The following ADGB variants were observed in gnomAD, a reference collection of about 807,000 sequenced individuals.
ADGB encodes the protein androglobin, also known as calpain-7-like protein.
In ADGB, 172 loss-of-function variants were observed where a neutral mutation model predicts 210.5. The ratio of observed to expected loss-of-function variants is 0.82; its 90% CI spans 0.72 to 0.93. ADGB has a LOEUF of 0.93. Among genes scored for constraint, ADGB ranks in the 40% least tolerant of loss-of-function variants. ADGB has a pLI of 0.00. For synonymous variants in ADGB, 658 were observed against 662.7 expected, an observed-to-expected ratio of 0.99 and a Z score of 0.11; for missense variants, 2,025 against 1,964.8, an observed-to-expected ratio of 1.03 and a Z score of -0.58.
At chr6:146,762,297 C>A (rs376776240) in intron 27 of ADGB, among the ~76,000 whole-genome samples, 4 of 152,204 alleles carry the variant, frequency 2.6e-5, no homozygotes, top group East Asian at 3.9e-4. Context: ...CTGAATTTGA[C>A]AAAATGTTGT....
intron 6 of ADGB, among the ~76,000 whole-genome samples, chr6:146,666,071 G>A (rs1260214726): frequency 1.3e-5 from 2 of 152,048 alleles, no homozygotes; most frequent in Non-Finnish European, 2.9e-5. Context: ...AATGGCATAT[G>A]TGACTAAGAT....
chr6:146,799,058 CAAAAAA>C (rs71552962), intron 33 of ADGB, among the ~76,000 whole-genome samples: 7 of 63,534 alleles, frequency 1.1e-4, no homozygotes, highest in Admixed American at 4.2e-4. Flanking sequence ...TATGGAAATG[CAAAAAA>C]AAAAAAAAAA....
At chr6:146,602,757 T>A (rs1208741333) in intron 1 of ADGB, among the ~76,000 whole-genome samples, 1 of 152,056 alleles carries the variant, frequency 6.6e-6, no homozygotes, top group Non-Finnish European at 1.5e-5. Context: ...AGTCAACATT[T>A]CCCCCTGAGC....
rs1272266959 is a variant in ADGB at position 146,717,577 on chromosome 6, A to G, written c.1970A>G (p.Asn657Ser). The G allele has an allele frequency of 7.1e-7, 1 of 1,412,594 alleles. No individual in the cohort carries two copies. The highest frequency in any genetic ancestry group is 1.3e-5 in the South Asian group (1 of 74,148). The allele number at this position is 1,412,594 out of a possible 1,614,324, so 87.5% of individuals were successfully genotyped here. A position where few individuals can be genotyped will look rare whatever the true frequency, so the allele number is the denominator to read the frequency against. ...IFHKPSSYCL[N>S]FQKSEFKFSE... ...CACAAGCCAAGTTCATATTGCCTTA[A>G]CTTTCAAAAATCAGAATTTAAGGTA... Residue 657 changes from asparagine (N) to serine (S), a missense_variant, in exon 16 of 36, where the codon AAC (asparagine) becomes AGC (serine). Coordinates refer to ENST00000397944, the MANE Select transcript of ADGB (RefSeq NM_024694.4).
chr6:146,599,807 C>G (rs1780526426), intron 1 of ADGB, among the ~76,000 whole-genome samples: 1 of 152,124 alleles, frequency 6.6e-6, no homozygotes, highest in South Asian at 2.1e-4. Context: ...TTATCCACAG[C>G]ATAGGATTGG....
At chr6:146,654,248 C>A in intron 4 of ADGB, 42 bp downstream of exon 4, 1 of 1,386,016 alleles carries the variant, frequency 7.2e-7, no homozygotes, top group Non-Finnish European at 1.0e-6. Context: ...CATGAAATGA[C>A]TTCCAGTCCT....
At position 146,716,941 on chromosome 6, in the gene ADGB, C is replaced by T; in HGVS notation, c.1800C>T (p.Asn600=). The T allele has an allele frequency of 6.4e-7, 1 of 1,551,454 alleles. No individual in the cohort carries two copies. Among genetic ancestry groups the T allele is most frequent in the Non-Finnish European group, 8.7e-7 (1 of 1,146,874 alleles). The change falls in exon 15 of 36, where the codon AAC becomes AAT. Residue 600 remains asparagine, a synonymous_variant. Transcript: ENST00000397944. The part of the protein sequence containing the change: ...LGDAHQSDGL[N]LEREIVSQTT... ...ATGCTCATCAGAGTGATGGATTAAA[C>T]TTGGAAAGAGAGATAGTCAGCCAGA... is the stretch of plus-strand genomic sequence containing the variant.
At chr6:146,608,019 T>C (rs1273850443) in intron 1 of ADGB, among the ~76,000 whole-genome samples, 1 of 152,190 alleles carries the variant, frequency 6.6e-6, no homozygotes, top group East Asian at 1.9e-4. Flanking sequence ...AGTGAATCCA[T>C]CTGGTCCAGA....
chr6:146,808,418 C>T (rs866791958), intron 35 of ADGB, among the ~76,000 whole-genome samples: 20 of 152,190 alleles, frequency 1.3e-4, no homozygotes, highest in Admixed American at 2.0e-4. Context: ...ATCATGGTCA[C>T]CTGGGTGTAG....
chr6:146,755,820 G>A (rs1777398538), intron 27 of ADGB, among the ~76,000 whole-genome samples: 1 of 151,898 alleles, frequency 6.6e-6, no homozygotes, highest in Admixed American at 6.6e-5. Context: ...TTCATAATCA[G>A]CACCCTTCCT....
intron 28 of ADGB, among the ~76,000 whole-genome samples, chr6:146,767,289 TACTC>T (rs1433012949): frequency 2.6e-5 from 4 of 152,182 alleles, no homozygotes; most frequent in Admixed American, 1.3e-4. Context: ...ATCATTGAAT[TACTC>T]ACAGATAATA....
chr6:146,783,030 T>C (rs1777824331), intron 30 of ADGB, among the ~76,000 whole-genome samples: 1 of 152,040 alleles, frequency 6.6e-6, no homozygotes, highest in Non-Finnish European at 1.5e-5. Flanking sequence ...GGGTGTGGAC[T>C]TAAAGGAGAA....
At chr6:146,802,934 ATT>A (rs1334882699) in intron 35 of ADGB, 26 of 1,610,474 alleles carry the variant, frequency 1.6e-5, no homozygotes, top group Non-Finnish European at 3.4e-6. Flanking sequence ...ATCATTTAAA[ATT>A]TGTTTTGGAT....
chr6:146,772,737 T>C (rs948521271), intron 29 of ADGB, among the ~76,000 whole-genome samples: 1 of 151,230 alleles, frequency 6.6e-6, no homozygotes, highest in African/African-American at 2.4e-5. Flanking sequence ...AAATTTGGTT[T>C]CAGTACTTAT....
intron 13 of ADGB, among the ~76,000 whole-genome samples, chr6:146,714,324 T>C (rs547650166): frequency 3.3e-5 from 5 of 152,196 alleles, no homozygotes; most frequent in African/African-American, 1.2e-4. Context: ...TGTTTTTTTT[T>C]TTTTCCCCTG....
chr6:146,781,014 A>G (rs185556929), intron 29 of ADGB, among the ~76,000 whole-genome samples: 21 of 152,118 alleles, frequency 1.4e-4, no homozygotes, highest in African/African-American at 4.8e-4. Context: ...TCACAATTGA[A>G]AGGAAGTAGA....
intron 13 of ADGB, among the ~76,000 whole-genome samples, chr6:146,705,429 T>C (rs1776555327): frequency 6.6e-6 from 1 of 152,180 alleles, no homozygotes; most frequent in South Asian, 2.1e-4. Flanking sequence ...ATGGCCTTTG[T>C]TGTGTTGAAG....
Position 146,741,123 on chromosome 6 carries a change from C to T in ADGB, c.3029C>T (p.Thr1010Ile). The T allele has an allele frequency of 6.6e-6, 10 of 1,514,878 alleles. No homozygotes were observed. The highest frequency in any genetic ancestry group is 8.8e-6 in the Non-Finnish European group (10 of 1,131,038). The allele number at this position is 1,514,878 out of a possible 1,614,324, so 93.8% of individuals were successfully genotyped here. Residue 1010 changes from threonine to isoleucine, a missense_variant, in exon 25 of 36, where the codon ACA becomes ATA. Physicochemically the swap from Thr to Ile is moderately conservative, Grantham distance 89. Coordinates refer to ENST00000397944, the MANE Select transcript of ADGB (RefSeq NM_024694.4). ...PNSWFIVFRETFLVHQDMILV... is the reference protein window; with the variant it reads ...PNSWFIVFREIFLVHQDMILV... ...TCATGCTTTTGTAATTACAGAGAAA[C>T]ATTTTTGGTTCATCAAGACATGATT...
chr6:146,638,619 G>GC (rs1246012499), intron 2 of ADGB, among the ~76,000 whole-genome samples: 1 of 132,320 alleles, frequency 7.6e-6, no homozygotes, highest in East Asian at 2.4e-4. Context: ...TGGGGGGGGG[G>GC]GGGAGGGATA....
Sources: gnomAD v4.1 joint callset for allele counts (sites outside exome capture counted in the v4.1 genomes callset) on GRCh38, gnomAD v4.1.1 for gene constraint, MANE v1.5 for transcripts, NCBI Gene and HGNC (gene_info 2026-07-23, HGNC 2026-07-21) for gene names.